The following SLC7A5 variants were observed in gnomAD, a reference collection of about 807,000 sequenced individuals.
The protein encoded by SLC7A5 is solute carrier family 7 member 5, also known as large neutral amino acids transporter small subunit 1.
SLC7A5 carries 23 observed loss-of-function variants against 50.2 expected under a neutral mutation model. The observed-to-expected ratio is 0.46, with a 90% confidence interval of 0.33 to 0.65. The LOEUF (loss-of-function observed/expected upper bound fraction) is 0.65. Ranked by LOEUF, SLC7A5 falls within the 30% of genes least tolerant of loss-of-function variation. The probability of loss-of-function intolerance (pLI) is 0.02; values close to 1 mark genes in which losing one functional copy is unlikely to be tolerated. For missense variants in SLC7A5, 578 were observed against 684.4 expected, an observed-to-expected ratio of 0.84 and a Z score of 1.73; for synonymous variants, 393 against 330.6, an observed-to-expected ratio of 1.19 and a Z score of -2.05.
intron 3 of SLC7A5, 133 bp from the exon 4 acceptor site, chr16:87,840,606 T>C (rs2055071545): frequency 1.3e-6 from 1 of 781,550 alleles, no homozygotes; most frequent in African/African-American, 1.8e-5. Context: ...AAAGCGGACC[T>C]GGAGTGGGAG....
rs938638233 is a variant in SLC7A5, at chr16:87,861,135, G to A, written c.538+7750C>T. Reference sequence around the variant, plus strand: ...ATACACGTGTCCTGTCCCTGCAGACGGGCCAGGCAAGGCCTGCCCATGGCC... The same window carrying A: ...ATACACGTGTCCTGTCCCTGCAGACAGGCCAGGCAAGGCCTGCCCATGGCC... On this transcript the variant is annotated intron_variant, in intron 1 of 9. Transcript: ENST00000261622. The surrounding 1 kb of genome is among the most constrained non-coding windows in gnomAD (Gnocchi z 4.2). 5.9e-5 allele frequency among the ~76,000 whole-genome samples: 9 copies of A among 152,214 alleles called. No homozygotes were observed. The highest frequency in any genetic ancestry group is 1.3e-4 in the Non-Finnish European group (9 of 68,032).
chr16:87,841,257 A>C lies in SLC7A5; in HGVS notation c.665-102T>G. ...TGGAGCAAAATACATAGCAAACAAAAATGCTGGAGTGAAGGCTTTTCACTG... is the reference window on the plus strand; with the variant it reads ...TGGAGCAAAATACATAGCAAACAAACATGCTGGAGTGAAGGCTTTTCACTG... On this transcript the variant is annotated intron_variant, in intron 2 of 9. Transcript: ENST00000261622. The surrounding 1 kb of genome is among the most constrained non-coding windows in gnomAD (Gnocchi z 4.8). 1.3e-6 allele frequency: 1 copy of C among 781,732 alleles called. No individual in the cohort carries two copies. Among genetic ancestry groups the C allele is most frequent in the Non-Finnish European group, 2.3e-6 (1 of 441,512 alleles). The allele number at this position is 781,732 out of a possible 1,614,324, so 48.4% of individuals were successfully genotyped here.
rs374005938 is a variant in SLC7A5, at chr16:87,845,957, C to T, written c.665-4802G>A. 4.0e-4 allele frequency among the ~76,000 whole-genome samples: 61 copies of T among 152,354 alleles called. No individual in the cohort carries two copies. In the East Asian group the frequency reaches 0.01, roughly 25 times the overall value. On this transcript the variant is annotated intron_variant, in intron 2 of 9. Transcript: ENST00000261622. ...CCGGCAGAGCCCCAGCTTCCCCAGC[C>T]TGTCATCCTCCCGAGGCCGACGGCA...
rs2054957426 is a variant in SLC7A5 at position 87,833,448 on chromosome 16, C to T, written c.1469-423G>A. Among the ~76,000 whole-genome samples the T allele has an allele frequency of 6.6e-6, 1 of 152,116 alleles. No individual in the cohort carries two copies. Among genetic ancestry groups the T allele is most frequent in the East Asian group, 1.9e-4 (1 of 5,176 alleles). On this transcript the variant is annotated intron_variant, in intron 9 of 9. Transcript: ENST00000261622. The surrounding 1 kb of genome is among the most constrained non-coding windows in gnomAD (Gnocchi z 6.0). ...CGGAGGGGCCAATCTGCTAACGGGT[C>T]CTCGGAAGACCTGTCGCGCCTGGGA...
intron 2 of SLC7A5, among the ~76,000 whole-genome samples, chr16:87,847,660 G>T (rs1383629900): frequency 6.6e-6 from 1 of 152,160 alleles, no homozygotes; most frequent in Non-Finnish European, 1.5e-5. Context: ...CGCACCTTGG[G>T]AACAGAGGTG....
intron 1 of SLC7A5, among the ~76,000 whole-genome samples, chr16:87,865,699 C>T (rs977709827): frequency 3.3e-5 from 5 of 152,030 alleles, no homozygotes; most frequent in African/African-American, 9.7e-5. Context: ...AGCAAAACTC[C>T]ATCTCAAAGA....
chr16:87,839,087 G>T (rs907286560), intron 5 of SLC7A5, among the ~76,000 whole-genome samples: 1 of 152,230 alleles, frequency 6.6e-6, no homozygotes, highest in African/African-American at 2.4e-5. Context: ...GCTACGGCCT[G>T]CAGGTGGGGA....
At chr16:87,855,905 T>A (rs1359183862) in intron 1 of SLC7A5, among the ~76,000 whole-genome samples, 1 of 152,094 alleles carries the variant, frequency 6.6e-6, no homozygotes, top group Non-Finnish European at 1.5e-5. Flanking sequence ...GGGTTCAGGG[T>A]CAGCCACAAT....
chr16:87,865,009 T>G (rs1365514397), intron 1 of SLC7A5, among the ~76,000 whole-genome samples: 1 of 152,180 alleles, frequency 6.6e-6, no homozygotes, highest in Non-Finnish European at 1.5e-5. Flanking sequence ...CCAAGATTTG[T>G]GTCTATTTCT....
chr16:87,842,138 G>A (rs899009245), intron 2 of SLC7A5, among the ~76,000 whole-genome samples: 3 of 152,224 alleles, frequency 2.0e-5, no homozygotes, highest in East Asian at 1.9e-4. Flanking sequence ...CAAAGGAGCC[G>A]GGTCCCCTCC....
chr16:87,850,273 C>A (rs2055203658), intron 2 of SLC7A5, among the ~76,000 whole-genome samples: 2 of 152,218 alleles, frequency 1.3e-5, no homozygotes. Context: ...GCCTCCCAGC[C>A]CTGAGGCAGG....
chr16:87,868,070 C>G (rs2055485288), intron 1 of SLC7A5, among the ~76,000 whole-genome samples: 1 of 145,920 alleles, frequency 6.9e-6, no homozygotes, highest in African/African-American at 2.6e-5. Context: ...GAGCCGAGAT[C>G]GTGCCACTGT....
intron 2 of SLC7A5, among the ~76,000 whole-genome samples, chr16:87,845,866 G>A (rs548083294): frequency 3.4e-4 from 52 of 152,302 alleles, no homozygotes; most frequent in African/African-American, 1.1e-3. Flanking sequence ...GAAGGGCACC[G>A]GGAGGTGAAG....
At position 87,841,655 on chromosome 16, in the gene SLC7A5, TG is replaced by T. The variant is rs139548335; in HGVS notation, c.665-501del. On this transcript the variant is annotated intron_variant, in intron 2 of 9. Coordinates refer to ENST00000261622, the MANE Select transcript of SLC7A5 (RefSeq NM_003486.7). This position sits in a 1 kb window ranked among gnomAD's most constrained non-coding sequence, Gnocchi z 4.8. Reference sequence around the variant, plus strand: ...CCCTCCAGGGCTGGCAGGACAGGCCTGGGCAAGAACATAGGTTTGTCCTGGA... The same window carrying T: ...CCCTCCAGGGCTGGCAGGACAGGCCTGGCAAGAACATAGGTTTGTCCTGGA... Among the ~76,000 whole-genome samples, 1,274 of 152,274 alleles carry T rather than the reference TG, an allele frequency of 8.4e-3. 14 individuals are homozygous for T. Among genetic ancestry groups the T allele is most frequent in the African/African-American group, 0.03 (1,230 of 41,568 alleles).
intron 7 of SLC7A5, 188 bp from the exon 8 acceptor site, chr16:87,836,835 G>A (rs748844655): frequency 1.6e-5 from 9 of 547,030 alleles, no homozygotes; most frequent in Non-Finnish European, 2.7e-5. Context: ...AAGGAGGGAG[G>A]AGAGGAGGAG....
intron 1 of SLC7A5, among the ~76,000 whole-genome samples, chr16:87,858,925 G>A (rs2143815984): frequency 6.6e-6 from 1 of 152,362 alleles, no homozygotes; most frequent in Admixed American, 6.5e-5. Flanking sequence ...TGCAGTGATG[G>A]AAGAATCCCT....
chr16:87,846,516 G>T (rs907452538), intron 2 of SLC7A5, among the ~76,000 whole-genome samples: 1 of 152,242 alleles, frequency 6.6e-6, no homozygotes, highest in African/African-American at 2.4e-5. Context: ...GGCCTCTACA[G>T]ATTAAGGGTA....
rs2054959718 is a variant in SLC7A5, at chr16:87,833,637, AGGGGTGGGGGG to A, written c.1469-623_1469-613del. On this transcript the variant is annotated intron_variant, in intron 9 of 9. Coordinates refer to ENST00000261622, the MANE Select transcript of SLC7A5 (RefSeq NM_003486.7). This position sits in a 1 kb window ranked among gnomAD's most constrained non-coding sequence, Gnocchi z 6.0. The stretch of plus-strand genomic sequence containing the variant: ...CCTGGCGGTGATCAGAGTGTGGGGT[AGGGGTGGGGGG>A]TCTCCCTGCCTGTGTTGCTGCCATC... Among the ~76,000 whole-genome samples, 8 of 123,852 alleles carry A rather than the reference AGGGGTGGGGGG, an allele frequency of 6.5e-5. No individual in the cohort carries two copies. The highest frequency in any genetic ancestry group is 5.1e-4 in the African/African-American group (8 of 15,766). The allele number at this position is 123,852 out of a possible 152,430, so 81.3% of individuals were successfully genotyped here.
intron 8 of SLC7A5, 65 bp downstream of exon 8, chr16:87,836,433 C>G: frequency 6.3e-7 from 1 of 1,581,418 alleles, no homozygotes; most frequent in South Asian, 1.1e-5. Context: ...AACTCAGGGT[C>G]CTTAGGACCC....
Sources: allele counts gnomAD v4.1 joint callset (sites outside exome capture counted in the v4.1 genomes callset), GRCh38; gene constraint gnomAD v4.1.1; non-coding constraint Gnocchi (gnomAD v3.1); transcripts MANE v1.5; gene names NCBI Gene and HGNC (gene_info 2026-07-23, HGNC 2026-07-21).